The following CEP78 variants were observed in gnomAD, a reference collection of about 807,000 sequenced individuals.
The protein encoded by CEP78 is centrosomal protein of 78 kDa.
A neutral mutation model predicts 81.2 loss-of-function variants in CEP78; 76 were observed. The observed-to-expected ratio is 0.94, with a 90% confidence interval of 0.78 to 1.13. The LOEUF is 1.13. CEP78 is among the 50% of genes most tolerant of loss of function. The probability of loss-of-function intolerance (pLI) is 0.00; values close to 1 mark genes in which losing one functional copy is unlikely to be tolerated. For synonymous variants in CEP78, 293 were observed against 301.4 expected, an observed-to-expected ratio of 0.97 and a Z score of 0.29; for missense variants, 918 against 846.8, an observed-to-expected ratio of 1.08 and a Z score of -1.04.
rs542161202 is a variant in CEP78 at position 78,265,365 on chromosome 9, C to CG, written c.1626-6dup. On this transcript the variant is annotated splice_polypyrimidine_tract_variant and splice_region_variant and intron_variant, in intron 13 of 16. Transcript: ENST00000643273. ...TTGCCTTTTCCTCCTTTTCTTCTCT[C>CG]GACCAGGCTTGGGCAGCTTGCCACA... 2.9e-4 allele frequency: 452 copies of CG among 1,571,596 alleles called. 8 individuals carry two copies. In the Admixed American group the frequency reaches 8.7e-3, roughly 30 times the overall value.
intron 5 of CEP78, among the ~76,000 whole-genome samples, chr9:78,244,958 A>C (rs1401355604): frequency 1.3e-5 from 2 of 152,188 alleles, no homozygotes; most frequent in African/African-American, 2.4e-5. Context: ...ATCTGATAGA[A>C]GCATAATCAC....
In CEP78 at chr9:78,275,278, TAGG is replaced by T. The variant is rs1827777987; in HGVS notation, c.*4430_*4432del. On this transcript the variant is annotated 3_prime_UTR_variant, in exon 17 of 17. Coordinates refer to ENST00000643273, the MANE Select transcript of CEP78 (RefSeq NM_001330691.3). ...GAAAATGTAAATAAACGAAACATCT[TAGG>T]AGAAATTGAAAAAATAGGACAAGAA... The T allele has an allele frequency of 2.0e-5, 3 of 152,068 alleles. No individual in the cohort carries two copies. The highest frequency in any genetic ancestry group is 4.8e-5 in the African/African-American group (2 of 41,414). The allele number at this position is 152,068 out of a possible 1,614,324, so 9.4% of individuals were successfully genotyped here.
intron 11 of CEP78, among the ~76,000 whole-genome samples, chr9:78,257,503 G>T (rs563211694): frequency 1.3e-5 from 2 of 152,126 alleles, no homozygotes; most frequent in African/African-American, 4.8e-5. Context: ...GGAGAGCAGC[G>T]GGTCTGGATT....
At position 78,243,598 on chromosome 9, in the gene CEP78, C is replaced by CT; in HGVS notation, c.744dup (p.Ala249CysfsTer6). On this transcript the variant is annotated frameshift_variant, in exon 5 of 17. Transcript: ENST00000643273. LOFTEE classifies it high-confidence loss of function. The stretch of plus-strand genomic sequence containing the variant: ...CTTATTGGTGACCTAGGTGCATGTG[C>CT]TTTTGCAGACTCTCTCAGTGAGGAT... The CT allele has an allele frequency of 6.2e-7, 1 of 1,613,688 alleles. No homozygotes were observed.
chr9:78,255,499 G>A (rs1233100518), intron 11 of CEP78, among the ~76,000 whole-genome samples: 4 of 152,262 alleles, frequency 2.6e-5, no homozygotes, highest in Non-Finnish European at 5.9e-5. Context: ...CAAGGCTCAG[G>A]CAGATTTGGT....
At chr9:78,265,213 G>A (rs1563997761) in intron 13 of CEP78, among the ~76,000 whole-genome samples, 159 bp from the exon 14 acceptor site, 2 of 152,310 alleles carry the variant, frequency 1.3e-5, no homozygotes, top group South Asian at 2.1e-4. Flanking sequence ...AATGTGGGAA[G>A]GTCTGAGAAA....
rs997746938 is a variant in CEP78 at position 78,274,156 on chromosome 9, A to G, written c.*3305A>G. On this transcript the variant is annotated 3_prime_UTR_variant, in exon 17 of 17. Coordinates refer to ENST00000643273, the MANE Select transcript of CEP78 (RefSeq NM_001330691.3). ...CAGGTGAATGGATAGCGATGTATCC[A>G]TATGGTGGCAAACATGCCACAATTC... is the stretch of plus-strand genomic sequence containing the variant. 2 of 152,276 alleles carry G rather than the reference A, an allele frequency of 1.3e-5. No homozygotes were observed. Among genetic ancestry groups the G allele is most frequent in the African/African-American group, 4.8e-5 (2 of 41,474 alleles). 9.4% of individuals were successfully genotyped at this position (152,276 alleles called of 1,614,324 possible).
chr9:78,238,563 A>G (rs1826069697), intron 1 of CEP78, among the ~76,000 whole-genome samples: 1 of 152,142 alleles, frequency 6.6e-6, no homozygotes, highest in African/African-American at 2.4e-5. Flanking sequence ...AGAGGAAATG[A>G]TTATTGATGT....
chr9:78,277,096 C>G lies in CEP78; in HGVS notation c.*6245C>G, dbSNP rs1270248765. On this transcript the variant is annotated 3_prime_UTR_variant, in exon 17 of 17. Coordinates refer to ENST00000643273, the MANE Select transcript of CEP78 (RefSeq NM_001330691.3). ...ACAAGTCAGTAGAGAAGGGTTTGAA[C>G]TATTCAGTAAATGATGTTGAGGTTA... is the stretch of plus-strand genomic sequence containing the variant. 6.6e-6 allele frequency: 1 copy of G among 151,690 alleles called. No homozygotes were observed. The highest frequency in any genetic ancestry group is 1.5e-5 in the Non-Finnish European group (1 of 67,916). The allele number at this position is 151,690 out of a possible 1,614,324, so 9.4% of individuals were successfully genotyped here. A position where few individuals can be genotyped will look rare whatever the true frequency, so the allele number is the denominator to read the frequency against.
chr9:78,241,862 A>T lies in CEP78; in HGVS notation c.603+63A>T. The T allele has an allele frequency of 3.2e-6, 3 of 930,576 alleles. No homozygotes were observed. The South Asian group carries it at 4.2e-5, about 13-fold the overall frequency. The allele number at this position is 930,576 out of a possible 1,614,324, so 57.6% of individuals were successfully genotyped here. On this transcript the variant is annotated intron_variant, in intron 4 of 16. Coordinates refer to ENST00000643273, the MANE Select transcript of CEP78 (RefSeq NM_001330691.3). Reference sequence around the variant, plus strand: ...ATGATTGCCACACGTTAATATTTTGATACAAGACAGCAGTTATTTTTGTCT... The same window carrying T: ...ATGATTGCCACACGTTAATATTTTGTTACAAGACAGCAGTTATTTTTGTCT...
chr9:78,240,691 T>C (rs1348509803), intron 3 of CEP78, among the ~76,000 whole-genome samples: 1 of 152,106 alleles, frequency 6.6e-6, no homozygotes, highest in Non-Finnish European at 1.5e-5. Context: ...CCGGGCGTGG[T>C]GGCTCACGCC....
chr9:78,248,731 T>C, intron 7 of CEP78, 31 bp from the exon 8 acceptor site: 5 of 1,122,792 alleles, frequency 4.5e-6, no homozygotes, highest in Non-Finnish European at 6.5e-6. Flanking sequence ...GATCTGTAAC[T>C]GAAATATAGT....
rs1238155313 is a variant in CEP78 at position 78,266,662 on chromosome 9, C to T, written c.2066C>T (p.Ser689Phe). 11 of 1,611,870 alleles carry T rather than the reference C, an allele frequency of 6.8e-6. No individual in the cohort carries two copies. ...AGTCAAAGAAAAGAAGAGGAGTTGT[C>T]CAGAAATAGCAGATCTTCTTCAGAG... ...TGSQRKEEEL[S>F]RNSRSSSEKK... The change falls in exon 16 of 17, where the codon TCC becomes TTC. Residue 689 changes from serine to phenylalanine, a missense_variant. Physicochemically the swap from Ser to Phe is radical, Grantham distance 155. Coordinates refer to ENST00000643273, the MANE Select transcript of CEP78 (RefSeq NM_001330691.3).
intron 3 of CEP78, among the ~76,000 whole-genome samples, chr9:78,241,090 C>T (rs982844029): frequency 1.3e-5 from 2 of 152,112 alleles, no homozygotes; most frequent in Non-Finnish European, 2.9e-5. Flanking sequence ...AAAAGGCTGA[C>T]AGACTTGGGG....
intron 12 of CEP78, 57 bp downstream of exon 12, chr9:78,263,041 T>A (rs1827348771): frequency 3.9e-6 from 4 of 1,025,936 alleles, no homozygotes; most frequent in Non-Finnish European, 4.3e-6. Flanking sequence ...TGGTTTAACT[T>A]TAAGTCATAC....
intron 16 of CEP78, among the ~76,000 whole-genome samples, chr9:78,270,350 A>G (rs1827664075): frequency 6.6e-6 from 1 of 152,240 alleles, no homozygotes; most frequent in Non-Finnish European, 1.5e-5. Flanking sequence ...TGCTTAATAT[A>G]TACAATTTTA....
intron 1 of CEP78, 74 bp downstream of exon 1, chr9:78,236,677 T>C: frequency 6.7e-7 from 1 of 1,491,246 alleles, no homozygotes; most frequent in Non-Finnish European, 8.9e-7. Flanking sequence ...GTGTCCATTG[T>C]CGGGGTATGT....
chr9:78,236,647 A>T (rs1825957601), intron 1 of CEP78, 44 bp downstream of exon 1: 1 of 1,512,330 alleles, frequency 6.6e-7, no homozygotes, highest in Non-Finnish European at 8.8e-7. Flanking sequence ...GGTGCGGCGA[A>T]GTGGGTTTTT....
intron 6 of CEP78, among the ~76,000 whole-genome samples, chr9:78,247,991 T>A (rs1356419810): frequency 6.6e-6 from 1 of 152,188 alleles, no homozygotes; most frequent in African/African-American, 2.4e-5. Flanking sequence ...CTGGACAGTG[T>A]TTAGGCTTTT....
Sources: gnomAD v4.1 joint callset for allele counts (sites outside exome capture counted in the v4.1 genomes callset) on GRCh38, gnomAD v4.1.1 for gene constraint, MANE v1.5 for transcripts, NCBI Gene and HGNC (gene_info 2026-07-23, HGNC 2026-07-21) for gene names.